Variants in CACNA1C observed in about 807,000 individuals in gnomAD.
CACNA1C encodes calcium voltage-gated channel subunit alpha1 C.
CACNA1C carries 30 observed loss-of-function variants against 229.0 expected under a neutral mutation model. That is an observed-to-expected ratio of 0.13 (90% confidence interval 0.10 to 0.18). The LOEUF (loss-of-function observed/expected upper bound fraction) is 0.18, where lower values mean the gene tolerates loss of function less well. CACNA1C is among the 10% of genes least tolerant of loss of function. The probability of loss-of-function intolerance (pLI) is 1.00; values close to 1 mark genes in which losing one functional copy is unlikely to be tolerated. For synonymous variants in CACNA1C, 1,114 were observed against 1,132.5 expected (o/e 0.98, Z 0.33); for missense variants, 1,658 against 2,845.0 (o/e 0.58, Z 9.49).
chr12:2,448,860 C>A, intron 3 of CACNA1C, 116 bp from the exon 4 acceptor site: 1 of 827,150 alleles, frequency 1.2e-6, no homozygotes, highest in Non-Finnish European at 1.8e-6. Flanking sequence ...CACTTGGTTC[C>A]ACCACAGAGG....
intron 3 of CACNA1C, among the ~76,000 whole-genome samples, chr12:2,142,987 G>GT (rs1333916118): frequency 1.4e-5 from 2 of 147,674 alleles, no homozygotes; most frequent in East Asian, 1.9e-4. Context: ...TTTTTTTTTT[G>GT]TTTTTTGAGA....
chr12:2,097,271 G>T (rs368298349), intron 1 of CACNA1C, among the ~76,000 whole-genome samples: 5 of 151,988 alleles, frequency 3.3e-5, no homozygotes, highest in Non-Finnish European at 4.4e-5. Flanking sequence ...TCAGCCTCCC[G>T]TGTAGCTGGG....
intron 3 of CACNA1C, among the ~76,000 whole-genome samples, chr12:2,276,839 G>A (rs570541725): frequency 4.6e-5 from 7 of 152,240 alleles, no homozygotes; most frequent in African/African-American, 1.7e-4. Flanking sequence ...AGCGGGGTAG[G>A]GTGAGAATCA....
intron 7 of CACNA1C, among the ~76,000 whole-genome samples, chr12:2,494,751 G>A (rs150425300): frequency 4.7e-4 from 71 of 152,350 alleles, no homozygotes; most frequent in African/African-American, 1.6e-3. Flanking sequence ...ACCATGTCCT[G>A]TTGATTCAGA....
At chr12:2,612,117 G>C in intron 29 of CACNA1C, 104 bp downstream of exon 29, 2 of 728,244 alleles carry the variant, frequency 2.7e-6, no homozygotes, top group Non-Finnish European at 4.8e-6. Flanking sequence ...GAGGGAAAAA[G>C]GCATCGGTGA....
Position 2,486,266 on chromosome 12 carries a change from A to G in CACNA1C, c.916+4A>G. ...TACAACCAGGAGGGCATAGCAGGTA[A>G]GAGGGGCAGGCGGCTGCGCTCCCAA... On this transcript the variant is annotated splice_donor_region_variant and intron_variant, in intron 6 of 46. Coordinates refer to ENST00000399655, the MANE Select transcript of CACNA1C (RefSeq NM_000719.7). The surrounding 1 kb of genome is among the most constrained non-coding windows in gnomAD (Gnocchi z 4.9). 1 of 1,612,190 alleles carries G rather than the reference A, an allele frequency of 6.2e-7. No individual in the cohort carries two copies. The highest frequency in any genetic ancestry group is 8.5e-7 in the Non-Finnish European group (1 of 1,178,726).
At chr12:2,256,047 C>CAATCACACTATCCTGACCTTGCTAG (rs2077475642) in intron 3 of CACNA1C, among the ~76,000 whole-genome samples, 1 of 18,930 alleles carries the variant, frequency 5.3e-5, no homozygotes, top group Non-Finnish European at 1.3e-4. Context: ...GACCTGACTA[C>CAATCACACTATCCTGACCTTGCTAG]TTTACAATCA....
At chr12:2,179,378 A>G (rs2096763632) in intron 3 of CACNA1C, among the ~76,000 whole-genome samples, 2 of 152,220 alleles carry the variant, frequency 1.3e-5, no homozygotes, top group South Asian at 4.1e-4. Flanking sequence ...ATGTTCCTGA[A>G]CAAGTAAGTT....
chr12:2,598,763 G>T (rs1034315012), intron 21 of CACNA1C, among the ~76,000 whole-genome samples: 2 of 152,172 alleles, frequency 1.3e-5, no homozygotes, highest in Non-Finnish European at 2.9e-5. Context: ...CAAATTGAAT[G>T]GGGCAGTTTT....
chr12:2,636,854 C>G (rs1044746796), intron 30 of CACNA1C, among the ~76,000 whole-genome samples: 8 of 152,218 alleles, frequency 5.3e-5, no homozygotes, highest in Non-Finnish European at 1.0e-4. Flanking sequence ...CCTGAGAGTT[C>G]CGCTGCCCCT....
At chr12:2,663,835 G>A (rs951769252) in intron 34 of CACNA1C, among the ~76,000 whole-genome samples, 4 of 138,560 alleles carry the variant, frequency 2.9e-5, no homozygotes, top group Non-Finnish European at 3.0e-5. Context: ...TCCGCCTCCC[G>A]GGTTCACGCC....
At chr12:2,572,180 G>A (rs2054876446) in intron 13 of CACNA1C, among the ~76,000 whole-genome samples, 1 of 151,928 alleles carries the variant, frequency 6.6e-6, no homozygotes. Context: ...CATGCTAGTG[G>A]TCCAATGACC....
intron 27 of CACNA1C, among the ~76,000 whole-genome samples, chr12:2,609,415 C>A (rs994194292): frequency 4.0e-5 from 6 of 151,850 alleles, no homozygotes; most frequent in Admixed American, 6.6e-5. Flanking sequence ...CTCCTTGTGA[C>A]CCTCGCCAGG....
chr12:2,292,677 G>T (rs565161455), intron 3 of CACNA1C, among the ~76,000 whole-genome samples: 1 of 152,350 alleles, frequency 6.6e-6, no homozygotes, highest in Non-Finnish European at 1.5e-5. Context: ...GGTGGAGAGG[G>T]TGAGCAGGGC....
intron 9 of CACNA1C, among the ~76,000 whole-genome samples, chr12:2,541,017 TG>T (rs2099868689): frequency 6.6e-6 from 1 of 152,170 alleles, no homozygotes; most frequent in South Asian, 2.1e-4. Flanking sequence ...GGCTTGCAGG[TG>T]GCTGTCTTGT....
chr12:2,292,303 G>A (rs2093592297), intron 3 of CACNA1C, among the ~76,000 whole-genome samples: 1 of 152,238 alleles, frequency 6.6e-6, no homozygotes, highest in African/African-American at 2.4e-5. Flanking sequence ...GGAGAAGGAA[G>A]CATGCATGTG....
chr12:2,121,687 A>G (rs1437721849), intron 3 of CACNA1C, among the ~76,000 whole-genome samples: 1 of 152,228 alleles, frequency 6.6e-6, no homozygotes, highest in Non-Finnish European at 1.5e-5. Context: ...TCATCTCTTA[A>G]GGGGCAAGAA....
intron 3 of CACNA1C, chr12:2,269,800 TGTC>T (rs1207627780): frequency 6.6e-6 from 1 of 152,074 alleles, no homozygotes; most frequent in African/African-American, 2.4e-5. Context: ...AGAGGGAAGC[TGTC>T]ATCACCCTAG....
chr12:2,661,949 T>C (rs954055441), intron 34 of CACNA1C, among the ~76,000 whole-genome samples: 1 of 152,060 alleles, frequency 6.6e-6, no homozygotes, highest in Non-Finnish European at 1.5e-5. Context: ...CCCAATAAAA[T>C]AAGACAGGAA....
Sources: gnomAD v4.1 joint callset for allele counts (sites outside exome capture counted in the v4.1 genomes callset) on GRCh38, gnomAD v4.1.1 for gene constraint, Gnocchi (gnomAD v3.1) non-coding constraint, MANE v1.5 for transcripts, NCBI Gene and HGNC (gene_info 2026-07-23, HGNC 2026-07-21) for gene names.